Variants in ALG13 observed in about 807,000 individuals in gnomAD.
ALG13 encodes ALG13 UDP-N-acetylglucosaminyltransferase subunit.
Under a neutral mutation model 87.8 loss-of-function variants are expected in ALG13, and 11 were observed. The ratio of observed to expected loss-of-function variants is 0.13; its 90% CI spans 0.08 to 0.21. The LOEUF (loss-of-function observed/expected upper bound fraction) is 0.21. Ranked by LOEUF, ALG13 falls within the 10% of genes least tolerant of loss-of-function variation. The pLI is 1.00. For synonymous variants in ALG13, 320 were observed against 306.3 expected (o/e 1.04, Z -0.47); for missense variants, 756 against 866.1 (o/e 0.87, Z 1.60).
rs768256842 is a variant in ALG13, at chrX:111,700,423, G to A, written c.384-7604G>A. 2.7e-5 allele frequency among the ~76,000 whole-genome samples: 3 copies of A among 110,624 alleles called. No individual in the cohort carries two copies. The East Asian group carries it at 8.5e-4, about 31-fold the overall frequency. The stretch of plus-strand genomic sequence containing the variant: ...GTATGTTGAATAGAAGTGGTGAGAG[G>A]GGGCATCCTTGTCTTGTCCCTGATC... On this transcript the variant is annotated intron_variant, in intron 3 of 26. Coordinates refer to ENST00000394780, the MANE Select transcript of ALG13 (RefSeq NM_001099922.3).
At chrX:111,693,616 T>C (rs1427923940) in intron 3 of ALG13, among the ~76,000 whole-genome samples, 1 of 112,003 alleles carries the variant, frequency 8.9e-6, no homozygotes, top group African/African-American at 3.2e-5. Context: ...TACCATTATA[T>C]ACCATCTATG....
At chrX:111,742,833 G>A (rs12007881) in intron 23 of ALG13, among the ~76,000 whole-genome samples, 8,851 of 112,010 alleles carry the variant, frequency 0.079, 881 homozygotes, top group African/African-American at 0.27. Flanking sequence ...TACATGGATG[G>A]GGGAAATCAG....
At chrX:111,725,975 G>A (rs1164018318) in intron 15 of ALG13, among the ~76,000 whole-genome samples, 1 of 112,061 alleles carries the variant, frequency 8.9e-6, no homozygotes, top group Non-Finnish European at 1.9e-5. Context: ...ACAGAATCTC[G>A]CTCTTTGGCC....
intron 23 of ALG13, among the ~76,000 whole-genome samples, chrX:111,742,534 C>T (rs1602870270): frequency 9.0e-6 from 1 of 111,077 alleles, no homozygotes; most frequent in African/African-American, 3.3e-5. Context: ...AACAAAGTAT[C>T]AATTGTAAAT....
At chrX:111,738,402 A>G (rs1343525032) in intron 23 of ALG13, among the ~76,000 whole-genome samples, 1 of 112,164 alleles carries the variant, frequency 8.9e-6, no homozygotes, top group Non-Finnish European at 1.9e-5. Context: ...TCCAATAAGC[A>G]TTTCCTTTGA....
At chrX:111,720,215 C>T (rs767246685) in intron 11 of ALG13, 45 bp downstream of exon 11, 22 of 946,210 alleles carry the variant, frequency 2.3e-5, no homozygotes, top group Non-Finnish European at 3.0e-5. Context: ...TCTTGGCTTG[C>T]AGCATCATGA....
intron 23 of ALG13, among the ~76,000 whole-genome samples, chrX:111,744,220 G>T (rs570053810): frequency 9.0e-6 from 1 of 111,651 alleles, no homozygotes; most frequent in South Asian, 3.7e-4. Context: ...AACCTTCAAG[G>T]ATTGCTAAAA....
At chrX:111,756,475 G>GT (rs746650136) in intron 25 of ALG13, among the ~76,000 whole-genome samples, 36 of 111,760 alleles carry the variant, frequency 3.2e-4, no homozygotes, top group Admixed American at 8.6e-4. Context: ...GCTCAACACT[G>GT]TTTTTTCACC....
chrX:111,691,854 A>C (rs1936212443), intron 3 of ALG13, among the ~76,000 whole-genome samples: 1 of 112,577 alleles, frequency 8.9e-6, no homozygotes, highest in African/African-American at 3.2e-5. Flanking sequence ...AAACTCTTTC[A>C]ATTGGTTTAC....
intron 24 of ALG13, among the ~76,000 whole-genome samples, chrX:111,751,436 G>A (rs1046856115): frequency 9.0e-6 from 1 of 111,625 alleles, no homozygotes; most frequent in Non-Finnish European, 1.9e-5. Context: ...TCACTTCCTT[G>A]CAATATTGGC....
chrX:111,686,134 T>C (rs1255710034), intron 3 of ALG13: 1 of 1,117,097 alleles, frequency 9.0e-7, no homozygotes, highest in East Asian at 3.4e-5. Context: ...TGTTTTCTAT[T>C]AGTTCTTCCT....
intron 23 of ALG13, among the ~76,000 whole-genome samples, chrX:111,741,031 C>G (rs1943695927): frequency 8.9e-6 from 1 of 112,122 alleles, no homozygotes; most frequent in African/African-American, 3.2e-5. Context: ...TCAGTAGCTA[C>G]TAAGATTGCA....
intron 23 of ALG13, 165 bp downstream of exon 23, chrX:111,737,044 G>A (rs757800034): frequency 7.0e-6 from 3 of 426,343 alleles, no homozygotes; most frequent in African/African-American, 2.6e-5. Flanking sequence ...AGATTTGAGA[G>A]TCAGGGATTC....
intron 8 of ALG13, chrX:111,716,876 C>A (rs1352692306): frequency 9.0e-6 from 1 of 111,231 alleles, no homozygotes; most frequent in Non-Finnish European, 1.9e-5. Context: ...GTTGCTGATA[C>A]CTTCAAAATG....
chrX:111,758,509 C>T (rs1294130303), intron 26 of ALG13, among the ~76,000 whole-genome samples: 1 of 112,175 alleles, frequency 8.9e-6, no homozygotes, highest in African/African-American at 3.2e-5. Flanking sequence ...AATTAAAACT[C>T]CTGTAATAAG....
Position 111,712,523 on chromosome X carries a change from A to C in ALG13, c.925A>C (p.Ile309Leu), listed in dbSNP as rs775648266. 8.6e-7 allele frequency: 1 copy of C among 1,163,770 alleles called. No individual in the cohort carries two copies. The highest frequency in any genetic ancestry group is 1.8e-5 in the African/African-American group (1 of 56,741). The change falls in exon 7 of 27, where the codon ATT becomes CTT. Residue 309 changes from isoleucine (I) to leucine (L), a missense_variant. Physicochemically the swap from Ile to Leu is conservative, Grantham distance 5. Transcript: ENST00000394780. The part of the protein sequence containing the change: ...GQLEIRALSL[I>L]YNRDFILYRF... ...GCTGGAAATAAGAGCTCTTTCTCTA[A>C]TTTATAAGTAAGTTATATCCTCTTT...
At chrX:111,753,558 AAAG>A (rs755795438) in intron 25 of ALG13, among the ~76,000 whole-genome samples, 3 of 112,176 alleles carry the variant, frequency 2.7e-5, no homozygotes, top group Admixed American at 1.9e-4. Context: ...CCAGGTGAAT[AAAG>A]AAGAAAAGAG....
At chrX:111,689,647 G>A in intron 3 of ALG13, 1 of 730,548 alleles carries the variant, frequency 1.4e-6, no homozygotes. Flanking sequence ...ATTTGGCACG[G>A]ATTCTTGAGA....
At chrX:111,747,395 A>G (rs747426802) in intron 24 of ALG13, among the ~76,000 whole-genome samples, 8 of 112,317 alleles carry the variant, frequency 7.1e-5, no homozygotes, top group Admixed American at 9.5e-5. Flanking sequence ...TGAATGTACC[A>G]CAGTTTATAG....
Sources: gnomAD v4.1 joint callset for allele counts (sites outside exome capture counted in the v4.1 genomes callset) on GRCh38, gnomAD v4.1.1 for gene constraint, MANE v1.5 for transcripts, NCBI Gene and HGNC (gene_info 2026-07-23, HGNC 2026-07-21) for gene names.